NTRK2: variants seen among roughly 807,000 people sequenced by gnomAD.
NTRK2 encodes the protein neurotrophic receptor tyrosine kinase 2, also known as BDNF/NT-3 growth factors receptor.
Under a neutral mutation model 94.5 loss-of-function variants are expected in NTRK2, and 13 were observed. That is an observed-to-expected ratio of 0.14 (90% CI 0.09 to 0.22). The LOEUF is 0.22. Among genes scored for constraint, NTRK2 ranks in the 10% least tolerant of loss-of-function variants. NTRK2 has a pLI of 1.00. For synonymous variants in NTRK2, 372 were observed against 407.4 expected, an observed-to-expected ratio of 0.91 and a Z score of 1.05; for missense variants, 639 against 1,071.2, an observed-to-expected ratio of 0.60 and a Z score of 5.63.
intron 14 of NTRK2, among the ~76,000 whole-genome samples, chr9:84,928,482 T>C (rs72739929): frequency 7.9e-5 from 12 of 152,200 alleles, no homozygotes; most frequent in African/African-American, 2.7e-4. Context: ...AGAAAAGATA[T>C]CAACTAAATG....
At chr9:84,773,040 CATGTTTATATAG>C (rs2066707732) in intron 12 of NTRK2, among the ~76,000 whole-genome samples, 1 of 152,074 alleles carries the variant, frequency 6.6e-6, no homozygotes, top group Non-Finnish European at 1.5e-5. Flanking sequence ...GAAGAGTGAT[CATGTTTATATAG>C]ATTTCTTAGC....
intron 17 of NTRK2, among the ~76,000 whole-genome samples, chr9:84,968,119 A>G (rs1368992181): frequency 6.6e-6 from 1 of 152,084 alleles, no homozygotes; most frequent in Non-Finnish European, 1.5e-5. Flanking sequence ...CCATCTTCCA[A>G]TTTACTGATG....
chr9:84,730,079 C>A (rs2062732398), intron 9 of NTRK2, among the ~76,000 whole-genome samples: 1 of 152,182 alleles, frequency 6.6e-6, no homozygotes, highest in Non-Finnish European at 1.5e-5. Flanking sequence ...ACAACTTAGG[C>A]TAAATTTTAT....
chr9:84,836,721 A>T (rs1013360608), intron 12 of NTRK2, among the ~76,000 whole-genome samples: 1 of 149,032 alleles, frequency 6.7e-6, no homozygotes, highest in African/African-American at 2.5e-5. Flanking sequence ...GATTATCACT[A>T]CCACCTCCGC....
chr9:84,985,927 A>G (rs1828236204), intron 17 of NTRK2, among the ~76,000 whole-genome samples: 1 of 152,128 alleles, frequency 6.6e-6, no homozygotes, highest in African/African-American at 2.4e-5. Flanking sequence ...GGGTGTGGGA[A>G]GGGGCAAGGA....
At chr9:84,723,112 A>G (rs1426273574) in intron 6 of NTRK2, among the ~76,000 whole-genome samples, 2 of 152,194 alleles carry the variant, frequency 1.3e-5, no homozygotes, top group African/African-American at 4.8e-5. Flanking sequence ...AAAGCAAAAA[A>G]CAGATTTTTG....
intron 12 of NTRK2, among the ~76,000 whole-genome samples, chr9:84,858,060 G>T (rs2075150728): frequency 6.6e-6 from 1 of 152,008 alleles, no homozygotes; most frequent in Non-Finnish European, 1.5e-5. Flanking sequence ...AACCTTCATT[G>T]TTTTCTCTCC....
intron 2 of NTRK2, among the ~76,000 whole-genome samples, chr9:84,685,381 A>C (rs1659398): frequency 0.59 from 86,248 of 146,944 alleles, 24,952 homozygotes; most frequent in East Asian, 0.68. Flanking sequence ...TTTTTTTTCT[A>C]CTTGAAGTAT....
intron 9 of NTRK2, among the ~76,000 whole-genome samples, chr9:84,735,110 T>G (rs1433563218): frequency 6.6e-6 from 1 of 152,114 alleles, no homozygotes; most frequent in Non-Finnish European, 1.5e-5. Context: ...AAATTGTCAT[T>G]TTTTTGCTGA....
At chr9:84,863,031 C>G (rs2075405649) in intron 13 of NTRK2, among the ~76,000 whole-genome samples, 1 of 152,106 alleles carries the variant, frequency 6.6e-6, no homozygotes, top group Admixed American at 6.5e-5. Flanking sequence ...GGGTATTTAC[C>G]ATCTGTAGGA....
intron 2 of NTRK2, among the ~76,000 whole-genome samples, chr9:84,674,949 T>C (rs1265010991): frequency 6.6e-6 from 1 of 152,204 alleles, no homozygotes; most frequent in African/African-American, 2.4e-5. Flanking sequence ...TGAAAAGTGA[T>C]ATTTCCTTAT....
chr9:84,727,838 C>G lies in NTRK2; in HGVS notation c.1038C>G (p.Leu346=). 6.2e-7 allele frequency: 1 copy of G among 1,614,154 alleles called. No individual in the cohort carries two copies. Among genetic ancestry groups the G allele is most frequent in the East Asian group, 2.2e-5 (1 of 44,886 alleles). The stretch of plus-strand genomic sequence containing the variant: ...ATCACACGGAGTACCACGGCTGCCT[C>G]CAGCTGGATAATCCCACTCACATGA... ...VTNHTEYHGC[L]QLDNPTHMNN... The change falls in exon 9 of 19, where the codon CTC becomes CTG. Residue 346 remains leucine, a synonymous_variant. Transcript: ENST00000277120.
chr9:84,772,608 A>G (rs1201197854), intron 12 of NTRK2, among the ~76,000 whole-genome samples: 1 of 152,192 alleles, frequency 6.6e-6, no homozygotes, highest in Non-Finnish European at 1.5e-5. Context: ...AGAAGTTTGT[A>G]GTCTAGAGGA....
At chr9:84,967,418 G>A (rs1203447409) in intron 17 of NTRK2, among the ~76,000 whole-genome samples, 4 of 152,240 alleles carry the variant, frequency 2.6e-5, no homozygotes, top group Non-Finnish European at 5.9e-5. Flanking sequence ...AAAGGCTTGT[G>A]GAGAGTCAAA....
At chr9:84,840,255 A>G (rs2074098403) in intron 12 of NTRK2, among the ~76,000 whole-genome samples, 1 of 139,948 alleles carries the variant, frequency 7.1e-6, no homozygotes, top group South Asian at 2.2e-4. Flanking sequence ...GACCACAATC[A>G]TTGACAATTC....
chr9:84,897,161 G>A (rs149613374), intron 14 of NTRK2, among the ~76,000 whole-genome samples: 384 of 151,996 alleles, frequency 2.5e-3, no homozygotes, highest in African/African-American at 8.9e-3. Flanking sequence ...TGTCTGAGAC[G>A]GAGTCTCACT....
chr9:84,744,012 C>G (rs1033869421), intron 10 of NTRK2, among the ~76,000 whole-genome samples: 2 of 152,128 alleles, frequency 1.3e-5, no homozygotes, highest in Non-Finnish European at 2.9e-5. Context: ...ATGATTCTAC[C>G]TGGAGAAGTT....
rs552477945 is a variant in NTRK2, at chr9:85,023,546, A to G, written c.*2109A>G. ...GTCCATTCAAGTTATATGCTGGCCTATGAGAGATGAGAGTTGGGTCGTTTG... is the reference window on the plus strand; with the variant it reads ...GTCCATTCAAGTTATATGCTGGCCTGTGAGAGATGAGAGTTGGGTCGTTTG... On this transcript the variant is annotated 3_prime_UTR_variant, in exon 19 of 19. Transcript: ENST00000277120. The G allele has an allele frequency of 4.3e-6, 1 of 232,464 alleles. No homozygotes were observed. Among genetic ancestry groups the G allele is most frequent in the African/African-American group, 2.2e-5 (1 of 45,302 alleles). 14.4% of individuals were successfully genotyped at this position (232,464 alleles called of 1,614,324 possible). A position where few individuals can be genotyped will look rare whatever the true frequency, so the allele number is the denominator to read the frequency against.
chr9:84,926,696 A>G (rs969895629), intron 14 of NTRK2, among the ~76,000 whole-genome samples: 7 of 151,502 alleles, frequency 4.6e-5, no homozygotes, highest in African/African-American at 1.7e-4. Context: ...TTTTTCTCTT[A>G]TTCAATTACT....
Sources: gnomAD v4.1 joint callset for allele counts (sites outside exome capture counted in the v4.1 genomes callset) on GRCh38, gnomAD v4.1.1 for gene constraint, MANE v1.5 for transcripts, NCBI Gene and HGNC (gene_info 2026-07-23, HGNC 2026-07-21) for gene names.